KATNBL1: variants seen among roughly 807,000 people sequenced by gnomAD.
KATNBL1 encodes KATNB1-like protein 1.
A neutral mutation model predicts 44.7 loss-of-function variants in KATNBL1; 28 were observed. That is an observed-to-expected ratio of 0.63 (90% CI 0.46 to 0.86). KATNBL1 has a LOEUF of 0.86. Ranked by LOEUF, KATNBL1 falls within the 40% of genes least tolerant of loss-of-function variation. The probability of loss-of-function intolerance (pLI) is 0.00; values close to 1 mark genes in which losing one functional copy is unlikely to be tolerated. For synonymous variants in KATNBL1, 78 were observed against 114.9 expected, an observed-to-expected ratio of 0.68 and a Z score of 2.06; for missense variants, 272 against 350.7, an observed-to-expected ratio of 0.78 and a Z score of 1.79.
chr15:34,181,650 ATGTC>A lies in KATNBL1; in HGVS notation c.-14-17964_-14-17961del, dbSNP rs1192804075. Among the ~76,000 whole-genome samples the A allele has an allele frequency of 4.0e-4, 50 of 125,046 alleles. 2 individuals carry two copies. Among genetic ancestry groups the A allele is most frequent in the African/African-American group, 1.5e-3 (49 of 33,388 alleles). The allele number at this position is 125,046 out of a possible 152,430, so 82.0% of individuals were successfully genotyped here. A position where few individuals can be genotyped will look rare whatever the true frequency, so the allele number is the denominator to read the frequency against. ...TATGTCCATATATATACACATATAT[ATGTC>A]CATATATATATCCATATATATACAC... On this transcript the variant is annotated intron_variant, in intron 1 of 9. Transcript: ENST00000256544.
chr15:34,200,678 A>G (rs1567539912), intron 1 of KATNBL1, among the ~76,000 whole-genome samples: 1 of 152,214 alleles, frequency 6.6e-6, no homozygotes, highest in Admixed American at 6.5e-5. Context: ...CAGTGGGTAC[A>G]ATACTATATC....
intron 1 of KATNBL1, among the ~76,000 whole-genome samples, chr15:34,173,203 A>G (rs1026163160): frequency 6.6e-6 from 1 of 152,092 alleles, no homozygotes; most frequent in African/African-American, 2.4e-5. Flanking sequence ...GAGAAATCAA[A>G]CAAAGAGATA....
chr15:34,163,237 T>C (rs535740481), intron 2 of KATNBL1, among the ~76,000 whole-genome samples: 18 of 151,842 alleles, frequency 1.2e-4, no homozygotes, highest in African/African-American at 4.3e-4. Flanking sequence ...AGACACAGGG[T>C]TTCACCATGT....
chr15:34,163,460 G>A, intron 2 of KATNBL1, 100 bp downstream of exon 2: 1 of 1,364,906 alleles, frequency 7.3e-7, no homozygotes, highest in Non-Finnish European at 9.9e-7. Flanking sequence ...AGATTAAGCA[G>A]AATTATTATC....
intron 1 of KATNBL1, among the ~76,000 whole-genome samples, chr15:34,201,408 C>T (rs1333181279): frequency 6.6e-6 from 1 of 152,164 alleles, no homozygotes; most frequent in African/African-American, 2.4e-5. Flanking sequence ...GGACAAAAGT[C>T]ACTTCTAGTG....
At chr15:34,145,265 A>C (rs778497891) in intron 9 of KATNBL1, 133 bp downstream of exon 9, 1 of 1,427,292 alleles carries the variant, frequency 7.0e-7, no homozygotes, top group South Asian at 1.2e-5. Flanking sequence ...GAAGCATTTG[A>C]AAATATGAAA....
intron 1 of KATNBL1, chr15:34,208,482 T>C (rs544736914): frequency 5.9e-5 from 9 of 152,366 alleles, no homozygotes; most frequent in African/African-American, 2.2e-4. Flanking sequence ...AGTTTAAGTA[T>C]AACCATTTCA....
intron 1 of KATNBL1, among the ~76,000 whole-genome samples, chr15:34,179,299 G>A (rs1014287215): frequency 5.9e-5 from 9 of 152,138 alleles, no homozygotes; most frequent in African/African-American, 2.2e-4. Context: ...GAAAGCAAAA[G>A]GGCCAAAGTT....
At chr15:34,166,035 G>A (rs1316255011) in intron 1 of KATNBL1, 1 of 152,542 alleles carries the variant, frequency 6.6e-6, no homozygotes, top group East Asian at 1.9e-4. Flanking sequence ...GAAGACGGGT[G>A]ATTTCTGCAT....
In KATNBL1 at chr15:34,209,968, G is replaced by A. The variant is rs1262043438; in HGVS notation, c.-32C>T. 3 of 151,864 alleles carry A rather than the reference G, an allele frequency of 2.0e-5. No homozygotes were observed. The highest frequency in any genetic ancestry group is 2.9e-5 in the Non-Finnish European group (2 of 67,946). 9.4% of individuals were successfully genotyped at this position (151,864 alleles called of 1,614,324 possible). On this transcript the variant is annotated 5_prime_UTR_variant, in exon 1 of 10. Coordinates refer to ENST00000256544, the MANE Select transcript of KATNBL1 (RefSeq NM_024713.3). ...TCACTTACCGGCGCCTCATGGTACC[G>A]CGGCGCCTCAGCCCAGCCTCGGCGC...
Position 34,181,806 on chromosome 15 carries a change from A to ACACACATATATGTC in KATNBL1, c.-14-18117_-14-18116insGACATATATGTGTG, listed in dbSNP as rs1555529410. Among the ~76,000 whole-genome samples, 8 of 77,156 alleles carry ACACACATATATGTC rather than the reference A, an allele frequency of 1.0e-4. 2 individuals carry two copies. The highest frequency in any genetic ancestry group is 4.2e-4 in the African/African-American group (6 of 14,364). 50.6% of individuals were successfully genotyped at this position (77,156 alleles called of 152,430 possible). On this transcript the variant is annotated intron_variant, in intron 1 of 9. Coordinates refer to ENST00000256544, the MANE Select transcript of KATNBL1 (RefSeq NM_024713.3). ...TGTCCATATATATATCCATATATAT[A>ACACACATATATGTC]CATATATACATGTCCATATATATCC...
chr15:34,145,671 CTT>C lies in KATNBL1; in HGVS notation c.789-182_789-181del, dbSNP rs1888286752. 11 of 449,414 alleles carry C rather than the reference CTT, an allele frequency of 2.4e-5. No individual in the cohort carries two copies. In the South Asian group the frequency reaches 5.2e-4, roughly 21 times the overall value. 27.8% of individuals were successfully genotyped at this position (449,414 alleles called of 1,614,324 possible). On this transcript the variant is annotated intron_variant, in intron 8 of 9. Transcript: ENST00000256544. The stretch of plus-strand genomic sequence containing the variant: ...GAGAAATTAAAAAAAAATCAAATAA[CTT>C]TTAGAATAATACATGTCAGTCATGA...
Position 34,145,448 on chromosome 15 carries a change from G to A in KATNBL1, c.832C>T (p.Gln278Ter), listed in dbSNP as rs764782920. 2 of 1,465,646 alleles carry A rather than the reference G, an allele frequency of 1.4e-6. No individual in the cohort carries two copies. Among genetic ancestry groups the A allele is most frequent in the Non-Finnish European group, 9.0e-7 (1 of 1,114,112 alleles). 90.8% of individuals were successfully genotyped at this position (1,465,646 alleles called of 1,614,324 possible). ...LKQQLSGLWEQENHLTLVPGY... is the reference protein window; with the variant it reads ...LKQQLSGLWE ...GGAACCAAAGTAAGATGGTTTTCCTGTTCCCATAATCCACTTAATTGTTGT... is the reference window on the plus strand; with the variant it reads ...GGAACCAAAGTAAGATGGTTTTCCTATTCCCATAATCCACTTAATTGTTGT... Residue 278 changes from glutamine (Q) to a stop codon, truncating the protein, a stop_gained, in exon 9 of 10, where the codon CAG becomes TAG. Coordinates refer to ENST00000256544, the MANE Select transcript of KATNBL1 (RefSeq NM_024713.3). LOFTEE classifies it high-confidence loss of function.
At chr15:34,148,592 A>C in intron 5 of KATNBL1, 40 bp downstream of exon 5, 3 of 1,199,664 alleles carry the variant, frequency 2.5e-6, no homozygotes, top group Non-Finnish European at 3.7e-6. Flanking sequence ...TGTCTCAGAA[A>C]AAAAGTGATT....
At chr15:34,163,465 AT>A in intron 2 of KATNBL1, 94 bp downstream of exon 2, 1 of 1,382,596 alleles carries the variant, frequency 7.2e-7, no homozygotes. Context: ...AAGCAGAATT[AT>A]TATCCTCCCA....
chr15:34,172,507 T>C (rs544211872), intron 1 of KATNBL1, among the ~76,000 whole-genome samples: 69 of 152,256 alleles, frequency 4.5e-4, no homozygotes, highest in African/African-American at 1.5e-3. Context: ...TCCACCCACC[T>C]TGGCCTATCC....
chr15:34,187,879 T>C (rs920074720), intron 1 of KATNBL1, among the ~76,000 whole-genome samples: 1 of 151,944 alleles, frequency 6.6e-6, no homozygotes, highest in Admixed American at 6.6e-5. Flanking sequence ...TGGCTCACAC[T>C]TGTAATCCTA....
chr15:34,198,575 T>C (rs916168209), intron 1 of KATNBL1, among the ~76,000 whole-genome samples: 1 of 152,234 alleles, frequency 6.6e-6, no homozygotes, highest in Non-Finnish European at 1.5e-5. Context: ...TTTTAATCAA[T>C]GTGTAAAATT....
At chr15:34,164,001 T>C (rs1726731270) in intron 1 of KATNBL1, among the ~76,000 whole-genome samples, 1 of 152,118 alleles carries the variant, frequency 6.6e-6, no homozygotes, top group Non-Finnish European at 1.5e-5. Context: ...GAAGCAATTC[T>C]CCTGCCTCAG....
Sources: gnomAD v4.1 joint callset for allele counts (sites outside exome capture counted in the v4.1 genomes callset) on GRCh38, gnomAD v4.1.1 for gene constraint, MANE v1.5 for transcripts, NCBI Gene and HGNC (gene_info 2026-07-23, HGNC 2026-07-21) for gene names.